Variants in DHRSX observed in about 807,000 individuals in gnomAD.
DHRSX encodes the protein dehydrogenase/reductase X-linked, also known as polyprenol dehydrogenase.
A neutral mutation model predicts 34.0 loss-of-function variants in DHRSX; 31 were observed. The observed-to-expected ratio is 0.91, with a 90% CI of 0.69 to 1.23. The LOEUF is 1.23. Ranked by LOEUF, DHRSX falls within the 50% of genes most tolerant of loss-of-function variation. The pLI is 0.00. For synonymous variants in DHRSX, 201 were observed against 183.8 expected (o/e 1.09, Z -0.76); for missense variants, 414 against 428.1 (o/e 0.97, Z 0.29).
rs774001106 is a variant in DHRSX at position 2,238,097 on chromosome X, T to C, written c.804+4926A>G. On this transcript the variant is annotated intron_variant, in intron 6 of 6. Coordinates refer to ENST00000334651, the MANE Select transcript of DHRSX (RefSeq NM_145177.3). The stretch of plus-strand genomic sequence containing the variant: ...CTCATCTTTATAAATGCACAAATCA[T>C]AATCCCAACACTTTGGGAGGCCACA... Among the ~76,000 whole-genome samples, 4 of 152,194 alleles carry C rather than the reference T, an allele frequency of 2.6e-5. No individual in the cohort carries two copies. The South Asian group carries it at 8.3e-4, about 32-fold the overall frequency.
chrX:2,283,076 G>C (rs1377277232), intron 4 of DHRSX, among the ~76,000 whole-genome samples: 1 of 151,914 alleles, frequency 6.6e-6, no homozygotes, highest in Non-Finnish European at 1.5e-5. Context: ...GAGAGAGAGA[G>C]AGGAGAAAAG....
At chrX:2,365,684 G>A (rs950326024) in intron 3 of DHRSX, among the ~76,000 whole-genome samples, 10 of 152,134 alleles carry the variant, frequency 6.6e-5, no homozygotes, top group Non-Finnish European at 1.3e-4. Context: ...TCTTTAACCT[G>A]AGGTAGCTCA....
In DHRSX at chrX:2,231,329, A is replaced by T. The variant is rs151109073; in HGVS notation, c.805-10100T>A. ...CTGTGGCATTTCCAATGTGTACCTC[A>T]AACTGATCTGGGTGGCATCACCTCT... On this transcript the variant is annotated intron_variant, in intron 6 of 6. Coordinates refer to ENST00000334651, the MANE Select transcript of DHRSX (RefSeq NM_145177.3). Among the ~76,000 whole-genome samples, 337 of 151,926 alleles carry T rather than the reference A, an allele frequency of 2.2e-3. 2 individuals carry two copies. The highest frequency in any genetic ancestry group is 0.014 in the Middle Eastern group (4 of 294).
chrX:2,472,502 G>A (rs2044608756), intron 1 of DHRSX, among the ~76,000 whole-genome samples: 1 of 152,140 alleles, frequency 6.6e-6, no homozygotes, highest in African/African-American at 2.4e-5. Flanking sequence ...TAGGCCAGGA[G>A]CAGTGATTCA....
intron 1 of DHRSX, among the ~76,000 whole-genome samples, chrX:2,451,840 G>A (rs2044222966): frequency 6.6e-6 from 1 of 152,154 alleles, no homozygotes; most frequent in South Asian, 2.1e-4. Context: ...TGCGGCCAAG[G>A]GACTGCTGCC....
intron 4 of DHRSX, among the ~76,000 whole-genome samples, chrX:2,267,634 A>G (rs773228781): frequency 6.6e-6 from 1 of 152,206 alleles, no homozygotes; most frequent in East Asian, 1.9e-4. Context: ...GTCACCAAAC[A>G]GAGTCCCCTG....
intron 1 of DHRSX, among the ~76,000 whole-genome samples, chrX:2,481,730 G>T (rs776294270): frequency 5.9e-5 from 9 of 152,050 alleles, no homozygotes; most frequent in African/African-American, 2.2e-4. Context: ...GTGAGCACAC[G>T]AGGTCGTCTC....
intron 6 of DHRSX, among the ~76,000 whole-genome samples, chrX:2,221,710 G>A (rs142171186): frequency 2.6e-4 from 40 of 152,220 alleles, no homozygotes; most frequent in African/African-American, 8.4e-4. Flanking sequence ...AGCTGTGATC[G>A]TATGTTTCAT....
intron 3 of DHRSX, among the ~76,000 whole-genome samples, chrX:2,301,274 A>G (rs1434768065): frequency 6.6e-6 from 1 of 152,156 alleles, no homozygotes; most frequent in East Asian, 1.9e-4. Flanking sequence ...TTAGCTGGGC[A>G]TGGTGGTGCA....
At chrX:2,354,957 G>A (rs748437951) in intron 3 of DHRSX, among the ~76,000 whole-genome samples, 21 of 152,100 alleles carry the variant, frequency 1.4e-4, no homozygotes, top group South Asian at 6.2e-4. Context: ...GGGACTCATG[G>A]GAAAAACAGG....
intron 6 of DHRSX, among the ~76,000 whole-genome samples, chrX:2,230,680 C>T (rs1467767677): frequency 1.3e-5 from 2 of 152,168 alleles, no homozygotes; most frequent in South Asian, 2.1e-4. Flanking sequence ...ACAGCAAACA[C>T]TGACACTTAC....
intron 1 of DHRSX, among the ~76,000 whole-genome samples, chrX:2,483,308 G>A (rs1214653836): frequency 2.0e-5 from 3 of 151,804 alleles, no homozygotes; most frequent in Non-Finnish European, 4.4e-5. Flanking sequence ...TTATTTTCCA[G>A]GCTGGAGTGC....
At chrX:2,426,468 CTCCT>C (rs1190824892) in intron 1 of DHRSX, among the ~76,000 whole-genome samples, 13 of 135,716 alleles carry the variant, frequency 9.6e-5, no homozygotes, top group East Asian at 2.3e-4. Context: ...CCTTCCCTCC[CTCCT>C]TCCTTCCTTC....
intron 1 of DHRSX, among the ~76,000 whole-genome samples, chrX:2,492,582 C>T (rs550280858): frequency 6.9e-4 from 105 of 151,746 alleles, no homozygotes; most frequent in African/African-American, 2.3e-3. Flanking sequence ...TGAGATCATC[C>T]GGGATTTGAG....
intron 6 of DHRSX, among the ~76,000 whole-genome samples, chrX:2,231,280 C>A (rs73626169): frequency 0.029 from 4,402 of 152,148 alleles, 231 homozygotes; most frequent in African/African-American, 0.1. Flanking sequence ...TTGGACAAAA[C>A]GGCCCTTCCC....
chrX:2,367,440 AAAAAAAG>A (rs1018404107), intron 3 of DHRSX, among the ~76,000 whole-genome samples: 2 of 152,086 alleles, frequency 1.3e-5, no homozygotes, highest in East Asian at 1.9e-4. Context: ...TGTCTCAAAA[AAAAAAAG>A]AAAAAAGAAA....
chrX:2,239,101 T>C (rs2016081981), intron 6 of DHRSX, among the ~76,000 whole-genome samples: 1 of 152,176 alleles, frequency 6.6e-6, no homozygotes, highest in Admixed American at 6.6e-5. Context: ...CACAATGTTG[T>C]CTCTTATATA....
chrX:2,283,735 A>G (rs1482348152), intron 4 of DHRSX, among the ~76,000 whole-genome samples: 2 of 152,242 alleles, frequency 1.3e-5, no homozygotes, highest in African/African-American at 4.8e-5. Context: ...GAATGAACTC[A>G]TTAGAATTCA....
intron 1 of DHRSX, chrX:2,489,025 A>G (rs1366062594): frequency 6.2e-7 from 1 of 1,613,128 alleles, no homozygotes; most frequent in Non-Finnish European, 8.5e-7. Context: ...CCACCTGGGC[A>G]TGCCACTCTT....
Sources: gnomAD v4.1 joint callset for allele counts (sites outside exome capture counted in the v4.1 genomes callset) on GRCh38, gnomAD v4.1.1 for gene constraint, MANE v1.5 for transcripts, NCBI Gene and HGNC (gene_info 2026-07-23, HGNC 2026-07-21) for gene names.